RNF216: variants seen among roughly 807,000 people sequenced by gnomAD.
The protein encoded by RNF216 is E3 ubiquitin-protein ligase RNF216.
A neutral mutation model predicts 110.8 loss-of-function variants in RNF216; 72 were observed. That is an observed-to-expected ratio of 0.65 (90% CI 0.54 to 0.79). RNF216 has a LOEUF of 0.79. Among genes scored for constraint, RNF216 ranks in the 30% least tolerant of loss-of-function variants. RNF216 has a pLI of 0.00. For missense variants in RNF216, 1,342 were observed against 1,141.2 expected (o/e 1.18, Z -2.54); for synonymous variants, 495 against 407.5 (o/e 1.21, Z -2.59).
chr7:5,733,812 T>A (rs910673628), intron 5 of RNF216, among the ~76,000 whole-genome samples: 1 of 152,188 alleles, frequency 6.6e-6, no homozygotes, highest in African/African-American at 2.4e-5. Flanking sequence ...TCTAGTTAAC[T>A]ACAAAAAATA....
At chr7:5,720,509 C>A (rs1793351714) in intron 9 of RNF216, among the ~76,000 whole-genome samples, 1 of 152,142 alleles carries the variant, frequency 6.6e-6, no homozygotes, top group African/African-American at 2.4e-5. Context: ...AGTTTTGGGG[C>A]AGTCAAACAT....
intron 13 of RNF216, among the ~76,000 whole-genome samples, chr7:5,665,937 A>G (rs1020027113): frequency 3.3e-5 from 5 of 152,146 alleles, no homozygotes; most frequent in African/African-American, 7.2e-5. Context: ...AGGCCGAGAC[A>G]GGCGGATCCC....
Position 5,621,457 on chromosome 7 carries a change from G to C in RNF216, c.*1403C>G, listed in dbSNP as rs1286992814. 4 of 152,250 alleles carry C rather than the reference G, an allele frequency of 2.6e-5. No homozygotes were observed. The highest frequency in any genetic ancestry group is 9.6e-5 in the African/African-American group (4 of 41,452). 9.4% of individuals were successfully genotyped at this position (152,250 alleles called of 1,614,324 possible). On this transcript the variant is annotated 3_prime_UTR_variant, in exon 17 of 17. Coordinates refer to ENST00000389902, the MANE Select transcript of RNF216 (RefSeq NM_207111.4). ...GGAGCCACCGCGCCGGGCCATCTTAGATCTTAGAGCCCACTTTAGTCCTTG... is the reference window on the plus strand; with the variant it reads ...GGAGCCACCGCGCCGGGCCATCTTACATCTTAGAGCCCACTTTAGTCCTTG...
At chr7:5,691,400 C>T (rs1037686919) in intron 13 of RNF216, among the ~76,000 whole-genome samples, 3 of 151,996 alleles carry the variant, frequency 2.0e-5, no homozygotes, top group East Asian at 1.9e-4. Flanking sequence ...TGCTCCAGGC[C>T]CATTAATGAT....
intron 1 of RNF216, among the ~76,000 whole-genome samples, chr7:5,768,020 TTAA>T (rs1293133053): frequency 6.6e-6 from 1 of 152,056 alleles, no homozygotes; most frequent in Non-Finnish European, 1.5e-5. Context: ...GAAAACAGAC[TTAA>T]TAAAGAGCAA....
At chr7:5,768,910 C>T (rs1747766273) in intron 1 of RNF216, among the ~76,000 whole-genome samples, 1 of 151,920 alleles carries the variant, frequency 6.6e-6, no homozygotes, top group South Asian at 2.1e-4. Flanking sequence ...ATCCACCCGC[C>T]TCGACCTCCC....
intron 15 of RNF216, among the ~76,000 whole-genome samples, chr7:5,634,397 T>C (rs1382043220): frequency 1.3e-5 from 2 of 152,200 alleles, no homozygotes; most frequent in South Asian, 4.1e-4. Context: ...TCCAAAGAGC[T>C]TAAGATTTAG....
At chr7:5,750,548 T>C (rs1317306495) in intron 3 of RNF216, among the ~76,000 whole-genome samples, 1 of 152,222 alleles carries the variant, frequency 6.6e-6, no homozygotes, top group East Asian at 1.9e-4. Flanking sequence ...TATCTACCTG[T>C]TAGATAGCAG....
intron 13 of RNF216, among the ~76,000 whole-genome samples, chr7:5,673,859 A>ATTTTTT (rs756283994): frequency 8.2e-6 from 1 of 121,590 alleles, no homozygotes; most frequent in Non-Finnish European, 1.7e-5. Context: ...TCTTTCTCTC[A>ATTTTTT]TTTTTTTTTT....
At chr7:5,670,384 G>A (rs1342798375) in intron 13 of RNF216, among the ~76,000 whole-genome samples, 1 of 152,220 alleles carries the variant, frequency 6.6e-6, no homozygotes, top group East Asian at 1.9e-4. Flanking sequence ...CTCCTCTGAT[G>A]TGCATAGAGG....
rs1299119151 is a variant in RNF216 at position 5,620,260 on chromosome 7, T to C, written c.*2600A>G. ...TAAATATTTTGCTAAGTGCAAATAC[T>C]AGATTCCTCTCTCCAGTTTTAAGGC... On this transcript the variant is annotated 3_prime_UTR_variant, in exon 17 of 17. Coordinates refer to ENST00000389902, the MANE Select transcript of RNF216 (RefSeq NM_207111.4). 1 of 152,242 alleles carries C rather than the reference T, an allele frequency of 6.6e-6. No homozygotes were observed. Among genetic ancestry groups the C allele is most frequent in the Admixed American group, 6.5e-5 (1 of 15,282 alleles). 9.4% of individuals were successfully genotyped at this position (152,242 alleles called of 1,614,324 possible).
At chr7:5,762,929 C>G (rs975701869) in intron 1 of RNF216, among the ~76,000 whole-genome samples, 1 of 152,000 alleles carries the variant, frequency 6.6e-6, no homozygotes, top group Non-Finnish European at 1.5e-5. Context: ...TTTTTGTAAT[C>G]CATCCCTCTC....
At chr7:5,743,363 T>C (rs954342944) in intron 3 of RNF216, among the ~76,000 whole-genome samples, 16 of 152,164 alleles carry the variant, frequency 1.1e-4, no homozygotes, top group Admixed American at 9.2e-4. Flanking sequence ...AAAGGGCATA[T>C]ACAAGAATAT....
intron 7 of RNF216, among the ~76,000 whole-genome samples, chr7:5,727,786 C>A (rs1188601347): frequency 1.3e-5 from 2 of 151,934 alleles, no homozygotes; most frequent in Non-Finnish European, 2.9e-5. Flanking sequence ...AGTCTCTCAA[C>A]TTCCTCCTTC....
intron 1 of RNF216, among the ~76,000 whole-genome samples, chr7:5,776,899 CAAAA>C (rs754872404): frequency 3.6e-5 from 3 of 83,596 alleles, no homozygotes; most frequent in Non-Finnish European, 2.1e-5. Context: ...AGACTCTGTC[CAAAA>C]AAAAAAAAAA....
intron 3 of RNF216, among the ~76,000 whole-genome samples, chr7:5,748,243 T>C (rs1388004404): frequency 1.3e-5 from 2 of 152,190 alleles, no homozygotes; most frequent in Admixed American, 1.3e-4. Flanking sequence ...ACACAAACTG[T>C]CTTTGTGCCC....
At chr7:5,712,372 C>T (rs756526514) in intron 12 of RNF216, among the ~76,000 whole-genome samples, 2 of 151,840 alleles carry the variant, frequency 1.3e-5, no homozygotes, top group Non-Finnish European at 2.9e-5. Context: ...ACTCAGGAGG[C>T]TGAGGCATGA....
chr7:5,740,417 C>T (rs916397974), intron 4 of RNF216, among the ~76,000 whole-genome samples: 16 of 152,146 alleles, frequency 1.1e-4, no homozygotes, highest in African/African-American at 1.4e-4. Context: ...TGAGCCAGCA[C>T]GCCCAGCCCT....
chr7:5,698,866 G>A (rs1032726464), intron 13 of RNF216, among the ~76,000 whole-genome samples: 1 of 152,052 alleles, frequency 6.6e-6, no homozygotes, highest in African/African-American at 2.4e-5. Flanking sequence ...ACATTTTCCT[G>A]TTATGTTGCA....
Sources: gnomAD v4.1 joint callset for allele counts (sites outside exome capture counted in the v4.1 genomes callset) on GRCh38, gnomAD v4.1.1 for gene constraint, MANE v1.5 for transcripts, NCBI Gene and HGNC (gene_info 2026-07-23, HGNC 2026-07-21) for gene names.